ZNF536: variants seen among roughly 807,000 people sequenced by gnomAD.
The protein encoded by ZNF536 is zinc finger protein 536.
A neutral mutation model predicts 84.5 loss-of-function variants in ZNF536; 13 were observed. That is an observed-to-expected ratio of 0.15 (90% confidence interval 0.10 to 0.24). ZNF536 has a LOEUF of 0.24. ZNF536 is among the 10% of genes least tolerant of loss of function. The pLI is 1.00. For synonymous variants in ZNF536, 811 were observed against 742.5 expected, an observed-to-expected ratio of 1.09 and a Z score of -1.50; for missense variants, 1,536 against 1,747.5, an observed-to-expected ratio of 0.88 and a Z score of 2.16.
intron 1 of ZNF536, among the ~76,000 whole-genome samples, chr19:30,683,620 A>G (rs948684829): frequency 1.1e-4 from 16 of 151,788 alleles, no homozygotes; most frequent in African/African-American, 3.9e-4. Context: ...GCTTAGCAGT[A>G]TTTGAAAACT....
chr19:30,688,025 A>G (rs2051263651), intron 1 of ZNF536, among the ~76,000 whole-genome samples: 1 of 144,832 alleles, frequency 6.9e-6, no homozygotes, highest in African/African-American at 2.6e-5. Flanking sequence ...GCTAAAAAAA[A>G]AAAAAAAAGG....
intron 1 of ZNF536, among the ~76,000 whole-genome samples, chr19:30,587,308 T>C (rs1328259210): frequency 6.6e-6 from 1 of 152,210 alleles, no homozygotes; most frequent in Admixed American, 6.5e-5. Flanking sequence ...TTCAAAGCAG[T>C]CCAATGTTAG....
At chr19:30,556,385 C>G (rs1039065923) in intron 4 of ZNF536, 2 of 152,260 alleles carry the variant, frequency 1.3e-5, no homozygotes, top group Non-Finnish European at 2.9e-5. Flanking sequence ...GAAATCAGCA[C>G]CTGGAGTGGG....
chr19:30,541,907 C>A (rs2045346187), intron 3 of ZNF536, among the ~76,000 whole-genome samples: 1 of 152,150 alleles, frequency 6.6e-6, no homozygotes, highest in African/African-American at 2.4e-5. Flanking sequence ...CATATATATG[C>A]TTTGGGGGAA....
intron 2 of ZNF536, among the ~76,000 whole-genome samples, chr19:30,297,066 G>A (rs1178262740): frequency 3.3e-5 from 5 of 152,194 alleles, no homozygotes; most frequent in Non-Finnish European, 5.9e-5. Context: ...TGGCCAGAAC[G>A]GTGCTGCTTC....
At chr19:30,647,468 A>G (rs2049519293) in intron 1 of ZNF536, among the ~76,000 whole-genome samples, 1 of 152,076 alleles carries the variant, frequency 6.6e-6, no homozygotes, top group African/African-American at 2.4e-5. Flanking sequence ...GTCCTTAGAC[A>G]CTCTAATTTC....
At chr19:30,502,982 C>G (rs1214381242) in intron 2 of ZNF536, among the ~76,000 whole-genome samples, 1 of 152,180 alleles carries the variant, frequency 6.6e-6, no homozygotes, top group Non-Finnish European at 1.5e-5. Flanking sequence ...AAGGGATACC[C>G]TCTCCAACCA....
chr19:30,232,446 C>T (rs2023140150), intron 1 of ZNF536, among the ~76,000 whole-genome samples: 1 of 151,652 alleles, frequency 6.6e-6, no homozygotes, highest in Admixed American at 6.6e-5. Flanking sequence ...TCTCCCCCCT[C>T]TAGTGTCCCC....
intron 2 of ZNF536, among the ~76,000 whole-genome samples, chr19:30,293,043 G>A (rs571462762): frequency 3.3e-5 from 5 of 152,218 alleles, no homozygotes; most frequent in African/African-American, 7.2e-5. Flanking sequence ...TCTTTGGATC[G>A]CATGTTGTTT....
At chr19:30,435,714 A>G (rs1004551425) in intron 1 of ZNF536, among the ~76,000 whole-genome samples, 4 of 152,112 alleles carry the variant, frequency 2.6e-5, no homozygotes, top group African/African-American at 4.8e-5. Flanking sequence ...CCCAGCAGCT[A>G]CTTGCCTGGC....
chr19:30,496,952 G>A (rs2054745575), intron 2 of ZNF536, among the ~76,000 whole-genome samples: 1 of 152,210 alleles, frequency 6.6e-6, no homozygotes, highest in African/African-American at 2.4e-5. Context: ...CCCATGCACA[G>A]CCTCAGCTCC....
At chr19:30,604,023 G>A (rs145058438) in intron 1 of ZNF536, among the ~76,000 whole-genome samples, 7,911 of 152,242 alleles carry the variant, frequency 0.052, 291 homozygotes, top group Middle Eastern at 0.095. Context: ...CTGGGAGGCC[G>A]AGGCTGCAGT....
chr19:30,483,752 G>A (rs1389471480), intron 2 of ZNF536, among the ~76,000 whole-genome samples: 2 of 152,054 alleles, frequency 1.3e-5, no homozygotes, highest in Non-Finnish European at 2.9e-5. Context: ...ACCTGATCAT[G>A]TCACTTCTCA....
chr19:30,234,744 TAC>T (rs111232052), intron 1 of ZNF536, among the ~76,000 whole-genome samples: 25,073 of 147,118 alleles, frequency 0.17, 2,245 homozygotes, highest in South Asian at 0.29. Context: ...ATTACTAAAT[TAC>T]ACACACACAC....
chr19:30,307,863 G>A (rs916583998), intron 2 of ZNF536, among the ~76,000 whole-genome samples: 1 of 152,184 alleles, frequency 6.6e-6, no homozygotes, highest in Non-Finnish European at 1.5e-5. Flanking sequence ...CCAGAAAGCA[G>A]CGTAACTTGG....
At position 30,446,841 on chromosome 19, in the gene ZNF536, A is replaced by C. The variant is rs3837964; in HGVS notation, c.2170+1109A>C. Reference sequence around the variant, plus strand: ...AACAACAACAACAACAACAACAACAAAACACGCTAGCCTCAGACGGCTAAA... The same window carrying C: ...AACAACAACAACAACAACAACAACACAACACGCTAGCCTCAGACGGCTAAA... On this transcript the variant is annotated intron_variant, in intron 2 of 4. Transcript: ENST00000355537. 2.0e-3 allele frequency among the ~76,000 whole-genome samples: 299 copies of C among 147,066 alleles called. 3 individuals are homozygous for C. The highest frequency in any genetic ancestry group is 3.9e-3 in the African/African-American group (161 of 40,768).
chr19:30,319,321 AT>A (rs990230841), intron 2 of ZNF536, among the ~76,000 whole-genome samples: 1 of 151,792 alleles, frequency 6.6e-6, no homozygotes, highest in South Asian at 2.1e-4. Flanking sequence ...CTATCTTTTA[AT>A]TTTTTTAAAA....
intron 2 of ZNF536, among the ~76,000 whole-genome samples, chr19:30,452,895 G>A (rs750526670): frequency 9.0e-4 from 137 of 151,584 alleles, no homozygotes; most frequent in Non-Finnish European, 1.6e-3. Flanking sequence ...TGTTGATGGT[G>A]CTGGCATGTG....
Position 30,501,170 on chromosome 19 carries a change from C to G in ZNF536, c.2171-33677C>G, listed in dbSNP as rs546435652. Among the ~76,000 whole-genome samples the G allele has an allele frequency of 2.0e-5, 3 of 152,300 alleles. No homozygotes were observed. In the South Asian group the frequency reaches 6.2e-4, roughly 32 times the overall value. On this transcript the variant is annotated intron_variant, in intron 2 of 4. Coordinates refer to ENST00000355537, the MANE Select transcript of ZNF536 (RefSeq NM_014717.3). ...TTGAATACTAAATAAGAAGGACCAC[C>G]ACTGCCCATATTTACTAAAAGCTCA...
Sources: allele counts gnomAD v4.1 joint callset (sites outside exome capture counted in the v4.1 genomes callset), GRCh38; gene constraint gnomAD v4.1.1; transcripts MANE v1.5; gene names NCBI Gene and HGNC (gene_info 2026-07-23, HGNC 2026-07-21).